Variants in TFG observed in about 807,000 individuals in gnomAD.
TFG encodes trafficking from ER to golgi regulator.
TFG carries 22 observed loss-of-function variants against 51.4 expected under a neutral mutation model. That is an observed-to-expected ratio of 0.43 (90% CI 0.31 to 0.61). The LOEUF (loss-of-function observed/expected upper bound fraction) is 0.61, where lower values mean the gene tolerates loss of function less well. Ranked by LOEUF, TFG falls within the 20% of genes least tolerant of loss-of-function variation. The pLI is 0.12. For missense variants in TFG, 419 were observed against 487.7 expected (o/e 0.86, Z 1.33); for synonymous variants, 187 against 165.6 (o/e 1.13, Z -0.99).
Position 100,739,967 on chromosome 3 carries a change from G to C in TFG, c.721+3251G>C, listed in dbSNP as rs532417370. Among the ~76,000 whole-genome samples the C allele has an allele frequency of 7.9e-5, 12 of 152,158 alleles. No individual in the cohort carries two copies. The East Asian group carries it at 1.7e-3, about 22-fold the overall frequency. ...CTCAACAGTGATTCTTAATGTCAACGTGTGCTAGTCTGTGTTTGAATTTCC... is the reference window on the plus strand; with the variant it reads ...CTCAACAGTGATTCTTAATGTCAACCTGTGCTAGTCTGTGTTTGAATTTCC... On this transcript the variant is annotated intron_variant, in intron 6 of 7. Transcript: ENST00000240851.
intron 6 of TFG, 69 bp from the exon 7 acceptor site, chr3:100,744,763 CT>C (rs1355164579): frequency 1.0e-6 from 1 of 995,018 alleles, no homozygotes; most frequent in African/African-American, 1.6e-5. Flanking sequence ...GTATATGTAT[CT>C]TAAAAATATT....
intron 5 of TFG, among the ~76,000 whole-genome samples, chr3:100,735,611 A>G (rs1260410124): frequency 2.6e-5 from 4 of 152,242 alleles, no homozygotes; most frequent in Non-Finnish European, 5.9e-5. Context: ...TCCAAAACCT[A>G]TGCTTTTAAC....
At chr3:100,746,609 CTATA>C (rs910086623) in intron 7 of TFG, among the ~76,000 whole-genome samples, 15 of 151,274 alleles carry the variant, frequency 9.9e-5, no homozygotes, top group Admixed American at 6.6e-5. Flanking sequence ...GGAAGGGAGA[CTATA>C]TATATACACA....
chr3:100,730,709 C>G (rs934572895), intron 4 of TFG, among the ~76,000 whole-genome samples: 3 of 152,120 alleles, frequency 2.0e-5, no homozygotes, highest in Non-Finnish European at 4.4e-5. Context: ...TACAGCGGTT[C>G]TTGGATGCTT....
chr3:100,726,857 A>G (rs1360609839), intron 3 of TFG, among the ~76,000 whole-genome samples: 2 of 152,208 alleles, frequency 1.3e-5, no homozygotes, highest in Non-Finnish European at 2.9e-5. Context: ...GGATGCTCTC[A>G]GGAAGTAGAG....
intron 2 of TFG, among the ~76,000 whole-genome samples, chr3:100,717,760 T>C (rs2095050330): frequency 6.6e-6 from 1 of 152,110 alleles, no homozygotes; most frequent in African/African-American, 2.4e-5. Flanking sequence ...TTGAATTCAT[T>C]TATTGGTTCT....
At chr3:100,729,385 C>T (rs1232047091) in intron 4 of TFG, among the ~76,000 whole-genome samples, 1 of 152,052 alleles carries the variant, frequency 6.6e-6, no homozygotes, top group Non-Finnish European at 1.5e-5. Flanking sequence ...CTAATTTTTT[C>T]CCCATTGTAT....
chr3:100,727,215 T>C (rs1014723917), intron 3 of TFG, among the ~76,000 whole-genome samples: 1 of 152,232 alleles, frequency 6.6e-6, no homozygotes, highest in Non-Finnish European at 1.5e-5. Context: ...CACTAAGGCC[T>C]GTCTTACTGT....
At chr3:100,715,048 C>T (rs1056236627) in intron 2 of TFG, among the ~76,000 whole-genome samples, 5 of 152,194 alleles carry the variant, frequency 3.3e-5, no homozygotes, top group Admixed American at 3.3e-4. Flanking sequence ...CTGTTTAGCA[C>T]TGCTACCCAC....
chr3:100,714,383 C>G (rs577891444), intron 2 of TFG, among the ~76,000 whole-genome samples: 1 of 152,018 alleles, frequency 6.6e-6, no homozygotes, highest in Non-Finnish European at 1.5e-5. Context: ...CGCCTGTAAT[C>G]CCAACTACTC....
At chr3:100,728,922 A>T in intron 4 of TFG, 64 bp downstream of exon 4, 1 of 1,383,840 alleles carries the variant, frequency 7.2e-7, no homozygotes, top group South Asian at 1.7e-5. Context: ...GTTTTAAAAA[A>T]CTCTTTTTAA....
At chr3:100,736,779 T>G in intron 6 of TFG, 63 bp downstream of exon 6, 1 of 1,543,552 alleles carries the variant, frequency 6.5e-7, no homozygotes, top group East Asian at 2.3e-5. Flanking sequence ...TATTACAGCA[T>G]TGTTGTAAAC....
Position 100,734,824 on chromosome 3 carries a change from T to C in TFG, c.581-1752T>C, listed in dbSNP as rs570049394. 2.0e-5 allele frequency among the ~76,000 whole-genome samples: 3 copies of C among 152,310 alleles called. No individual in the cohort carries two copies. In the East Asian group the frequency reaches 5.8e-4, roughly 29 times the overall value. ...AGTATATTCCAGACTAGAATAATAT[T>C]AATATGATTCACATTATTTGAAGAC... On this transcript the variant is annotated intron_variant, in intron 5 of 7. Coordinates refer to ENST00000240851, the MANE Select transcript of TFG (RefSeq NM_006070.6).
chr3:100,745,525 T>C (rs1247914077), intron 7 of TFG, among the ~76,000 whole-genome samples: 3 of 152,242 alleles, frequency 2.0e-5, no homozygotes. Flanking sequence ...TTTTACCATC[T>C]GTCCACTGAA....
chr3:100,734,308 G>T (rs1376982969), intron 5 of TFG, among the ~76,000 whole-genome samples: 1 of 152,090 alleles, frequency 6.6e-6, no homozygotes, highest in East Asian at 1.9e-4. Flanking sequence ...TCTAGGTGCT[G>T]CATTTTTCTC....
chr3:100,712,383 G>T (rs906906222), intron 1 of TFG, among the ~76,000 whole-genome samples: 47 of 152,308 alleles, frequency 3.1e-4, no homozygotes, highest in African/African-American at 1.1e-3. Context: ...TGAAATAACA[G>T]ATTTAAGAGG....
At chr3:100,710,308 G>A (rs2095026914) in intron 1 of TFG, 1 of 152,228 alleles carries the variant, frequency 6.6e-6, no homozygotes, top group Non-Finnish European at 1.5e-5. Flanking sequence ...AAGTATTTTG[G>A]ATGCACTGTC....
intron 4 of TFG, among the ~76,000 whole-genome samples, chr3:100,730,249 C>G (rs919368821): frequency 1.4e-4 from 21 of 152,174 alleles, no homozygotes; most frequent in African/African-American, 4.8e-4. Flanking sequence ...ACATTCTACT[C>G]TAAGGAATGG....
At chr3:100,719,486 A>G (rs1383354415) in intron 2 of TFG, among the ~76,000 whole-genome samples, 1 of 152,218 alleles carries the variant, frequency 6.6e-6, no homozygotes, top group African/African-American at 2.4e-5. Flanking sequence ...CTTAATATCA[A>G]AATGGTCAGT....
Sources: gnomAD v4.1 joint callset for allele counts (sites outside exome capture counted in the v4.1 genomes callset) on GRCh38, gnomAD v4.1.1 for gene constraint, MANE v1.5 for transcripts, NCBI Gene and HGNC (gene_info 2026-07-23, HGNC 2026-07-21) for gene names.